The following MCPH1 variants were observed in gnomAD, a reference collection of about 807,000 sequenced individuals.
MCPH1 encodes the protein microcephalin.
In MCPH1, 104 loss-of-function variants were observed where a neutral mutation model predicts 84.5. The ratio of observed to expected loss-of-function variants is 1.23; its 90% CI spans 1.05 to 1.45. The LOEUF is 1.45. Ranked by LOEUF, MCPH1 falls within the 40% of genes most tolerant of loss-of-function variation. The pLI is 0.00. For synonymous variants in MCPH1, 514 were observed against 366.8 expected, an observed-to-expected ratio of 1.40 and a Z score of -4.58; for missense variants, 1,498 against 1,005.7, an observed-to-expected ratio of 1.49 and a Z score of -6.62.
intron 12 of MCPH1, among the ~76,000 whole-genome samples, chr8:6,604,859 A>G (rs1394443716): frequency 1.3e-5 from 2 of 152,238 alleles, no homozygotes; most frequent in African/African-American, 4.8e-5. Flanking sequence ...CTTAAGTACA[A>G]TAGAAGCTTT....
chr8:6,540,831 G>C (rs578227895), intron 12 of MCPH1, among the ~76,000 whole-genome samples: 1 of 152,378 alleles, frequency 6.6e-6, no homozygotes, highest in Admixed American at 6.5e-5. Flanking sequence ...CAGGGGCGCC[G>C]CAGGGTGGTT....
chr8:6,567,261 G>T (rs1177262476), intron 12 of MCPH1, among the ~76,000 whole-genome samples: 1 of 152,134 alleles, frequency 6.6e-6, no homozygotes, highest in Middle Eastern at 3.4e-3. Flanking sequence ...GCAGTGCGGT[G>T]ACCGTGTGTG....
At chr8:6,566,611 G>A (rs1237571649) in intron 12 of MCPH1, among the ~76,000 whole-genome samples, 1 of 152,210 alleles carries the variant, frequency 6.6e-6, no homozygotes, top group Admixed American at 6.5e-5. Flanking sequence ...CCCGTGGTGT[G>A]GTATCCATGT....
chr8:6,625,215 T>C (rs182890153), intron 13 of MCPH1: 17 of 985,414 alleles, frequency 1.7e-5, no homozygotes, highest in Non-Finnish European at 1.8e-5. Context: ...ACTTCATGTA[T>C]AAAACAGAGT....
chr8:6,526,257 T>TAAAAAA (rs35519559), intron 12 of MCPH1, among the ~76,000 whole-genome samples: 9 of 77,498 alleles, frequency 1.2e-4, no homozygotes, highest in African/African-American at 2.5e-4. Flanking sequence ...TTGCCTCTAC[T>TAAAAAA]AAAAAAAAAA....
rs572411424 is a variant in MCPH1, at chr8:6,412,218, C to T, written c.115-2547C>T. ...GAGGGGAGACATGCCCACTGTAATACACTGGAATGTAGGAACCCGAGGGAG... is the reference window on the plus strand; with the variant it reads ...GAGGGGAGACATGCCCACTGTAATATACTGGAATGTAGGAACCCGAGGGAG... On this transcript the variant is annotated intron_variant, in intron 2 of 13. Transcript: ENST00000344683. 2.0e-4 allele frequency among the ~76,000 whole-genome samples: 30 copies of T among 152,242 alleles called. 1 individual carries two copies. In the South Asian group the frequency reaches 6.0e-3, roughly 31 times the overall value.
chr8:6,456,140 G>C (rs758283875), intron 9 of MCPH1, among the ~76,000 whole-genome samples: 2 of 152,120 alleles, frequency 1.3e-5, no homozygotes, highest in Non-Finnish European at 2.9e-5. Flanking sequence ...CTTTACTGAT[G>C]CTTTCTGGTT....
At chr8:6,572,146 G>C (rs1826710067) in intron 12 of MCPH1, among the ~76,000 whole-genome samples, 1 of 150,944 alleles carries the variant, frequency 6.6e-6, no homozygotes, top group Non-Finnish European at 1.5e-5. Context: ...AGAGGATGCA[G>C]TATTAAACGT....
intron 13 of MCPH1, chr8:6,626,474 G>GTTTTTTTTTTTT (rs71213328): frequency 8.6e-6 from 8 of 925,332 alleles, no homozygotes; most frequent in East Asian, 1.3e-4. Flanking sequence ...TTTTTGTTTT[G>GTTTTTTTTTTTT]TTTTTTTTTT....
At chr8:6,407,854 A>G (rs927986915) in intron 1 of MCPH1, among the ~76,000 whole-genome samples, 2 of 152,214 alleles carry the variant, frequency 1.3e-5, no homozygotes, top group Non-Finnish European at 2.9e-5. Flanking sequence ...CTACGAGCTA[A>G]GAATGTCTTT....
At chr8:6,419,923 A>G (rs1000510255) in intron 3 of MCPH1, among the ~76,000 whole-genome samples, 1 of 152,004 alleles carries the variant, frequency 6.6e-6, no homozygotes, top group African/African-American at 2.4e-5. Flanking sequence ...TTTTTTTAAA[A>G]TAGATTTTTA....
intron 2 of MCPH1, among the ~76,000 whole-genome samples, 197 bp downstream of exon 2, chr8:6,409,567 G>C (rs186637832): frequency 3.2e-4 from 49 of 152,292 alleles, no homozygotes; most frequent in African/African-American, 1.1e-3. Context: ...TGGGCATTGA[G>C]TGAGGAGGAG....
intron 12 of MCPH1, among the ~76,000 whole-genome samples, chr8:6,573,661 C>A (rs940213292): frequency 4.6e-5 from 7 of 152,128 alleles, no homozygotes; most frequent in Non-Finnish European, 7.4e-5. Flanking sequence ...AAGACAAAGG[C>A]CAGGACCTAA....
At chr8:6,500,085 AT>A (rs1234898317) in intron 12 of MCPH1, 156 bp downstream of exon 12, 5 of 682,900 alleles carry the variant, frequency 7.3e-6, no homozygotes, top group Non-Finnish European at 1.3e-5. Context: ...TTATCAATTT[AT>A]TCGCGAGAAC....
chr8:6,437,980 TA>T (rs1802927558), intron 5 of MCPH1, among the ~76,000 whole-genome samples: 3 of 152,286 alleles, frequency 2.0e-5, no homozygotes, highest in Admixed American at 2.0e-4. Flanking sequence ...CTCCCTGGTT[TA>T]AAATTTCCTG....
intron 12 of MCPH1, among the ~76,000 whole-genome samples, chr8:6,559,035 G>A (rs1825093616): frequency 6.6e-6 from 1 of 151,990 alleles, no homozygotes; most frequent in East Asian, 1.9e-4. Flanking sequence ...CTAACACTGA[G>A]CACAATCATA....
chr8:6,598,829 G>A (rs1283120633), intron 12 of MCPH1, among the ~76,000 whole-genome samples: 1 of 152,248 alleles, frequency 6.6e-6, no homozygotes, highest in Non-Finnish European at 1.5e-5. Flanking sequence ...AGGGTGGCCA[G>A]GCTGGAGCTG....
intron 12 of MCPH1, among the ~76,000 whole-genome samples, chr8:6,533,306 T>C (rs145792022): frequency 0.013 from 1,967 of 152,354 alleles, 17 homozygotes; most frequent in South Asian, 0.044. Context: ...GCTATCCCTG[T>C]CTATGGCAGT....
At chr8:6,611,116 T>TCTCACACACA (rs1430483650) in intron 12 of MCPH1, among the ~76,000 whole-genome samples, 2 of 140,616 alleles carry the variant, frequency 1.4e-5, no homozygotes, top group African/African-American at 6.0e-5. Flanking sequence ...ACACACACTC[T>TCTCACACACA]CTCACACACA....
Sources: gnomAD v4.1 joint callset for allele counts (sites outside exome capture counted in the v4.1 genomes callset) on GRCh38, gnomAD v4.1.1 for gene constraint, MANE v1.5 for transcripts, NCBI Gene and HGNC (gene_info 2026-07-23, HGNC 2026-07-21) for gene names.